The following COMMD10 variants were observed in gnomAD, a reference collection of about 807,000 sequenced individuals.
The protein encoded by COMMD10 is COMM domain-containing protein 10.
In COMMD10, 33 loss-of-function variants were observed where a neutral mutation model predicts 28.9. The ratio of observed to expected loss-of-function variants is 1.14; its 90% CI spans 0.87 to 1.53. The LOEUF is 1.53. COMMD10 is among the 40% of genes most tolerant of loss of function. The pLI is 0.00. For missense variants in COMMD10, 310 were observed against 233.4 expected (o/e 1.33, Z -2.14); for synonymous variants, 110 against 81.7 (o/e 1.35, Z -1.87).
At chr5:116,220,589 A>C (rs1038827868) in intron 5 of COMMD10, among the ~76,000 whole-genome samples, 2 of 152,204 alleles carry the variant, frequency 1.3e-5, no homozygotes, top group Admixed American at 6.5e-5. Context: ...CCAGGGATAC[A>C]TATGCAACCC....
At chr5:116,267,535 A>G (rs1045046942) in intron 5 of COMMD10, among the ~76,000 whole-genome samples, 8 of 152,036 alleles carry the variant, frequency 5.3e-5, no homozygotes, top group African/African-American at 1.9e-4. Context: ...AAGGTAATTT[A>G]CAGATTCAAT....
At chr5:116,161,081 C>G (rs1440693616) in intron 5 of COMMD10, among the ~76,000 whole-genome samples, 2 of 151,906 alleles carry the variant, frequency 1.3e-5, no homozygotes, top group Non-Finnish European at 2.9e-5. Flanking sequence ...ATGAAGCCTG[C>G]CGGTTGGTTG....
rs166203 is a variant in COMMD10 at position 116,233,553 on chromosome 5, C to T, written c.511-57964C>T. Among the ~76,000 whole-genome samples, 47 of 152,192 alleles carry T rather than the reference C, an allele frequency of 3.1e-4. No homozygotes were observed. The East Asian group carries it at 6.4e-3, about 21-fold the overall frequency. The stretch of plus-strand genomic sequence containing the variant: ...ACTAGGTTGTCTAATAAAATATTTA[C>T]ATAGAAGCTATGAAGGGGACTGTAA... On this transcript the variant is annotated intron_variant, in intron 5 of 6. Transcript: ENST00000274458.
At chr5:116,113,201 T>C (rs1751114910) in intron 4 of COMMD10, among the ~76,000 whole-genome samples, 1 of 152,162 alleles carries the variant, frequency 6.6e-6, no homozygotes, top group Non-Finnish European at 1.5e-5. Context: ...TTTGATGGAC[T>C]TTCCTTTATA....
intron 4 of COMMD10, 46 bp from the exon 5 acceptor site, chr5:116,134,022 C>T (rs1751945321): frequency 9.1e-7 from 1 of 1,098,674 alleles, no homozygotes. Context: ...TGACTGTTTT[C>T]TTCCTTCTGT....
chr5:116,218,584 C>G (rs374927769), intron 5 of COMMD10, among the ~76,000 whole-genome samples: 3 of 152,198 alleles, frequency 2.0e-5, no homozygotes, highest in East Asian at 1.9e-4. Context: ...AACCAAGAGT[C>G]CTTTACTTAG....
intron 4 of COMMD10, among the ~76,000 whole-genome samples, chr5:116,098,396 G>A (rs1286826325): frequency 6.6e-6 from 1 of 152,218 alleles, no homozygotes; most frequent in Non-Finnish European, 1.5e-5. Flanking sequence ...CATGTTGGTA[G>A]TACAGTCAGC....
intron 5 of COMMD10, among the ~76,000 whole-genome samples, chr5:116,166,937 A>G (rs1753140371): frequency 6.6e-6 from 1 of 152,102 alleles, no homozygotes; most frequent in Admixed American, 6.5e-5. Flanking sequence ...CAGAATGCCC[A>G]TTCTCCTCCA....
chr5:116,238,770 G>A (rs1229622398), intron 5 of COMMD10, among the ~76,000 whole-genome samples: 1 of 152,106 alleles, frequency 6.6e-6, no homozygotes, highest in Admixed American at 6.6e-5. Context: ...TTCCAGCAAA[G>A]CACAGAACCA....
intron 4 of COMMD10, among the ~76,000 whole-genome samples, chr5:116,118,144 G>C (rs183660582): frequency 2.7e-4 from 41 of 152,250 alleles, no homozygotes; most frequent in African/African-American, 9.6e-4. Flanking sequence ...TCATAGGGCT[G>C]GCTTGGTTCC....
intron 5 of COMMD10, among the ~76,000 whole-genome samples, chr5:116,234,386 GAA>G (rs1246595079): frequency 6.6e-6 from 1 of 151,948 alleles, no homozygotes; most frequent in East Asian, 1.9e-4. Flanking sequence ...GCAATGAAAA[GAA>G]AAAAATTTCA....
chr5:116,168,686 C>A (rs145047590), intron 5 of COMMD10, among the ~76,000 whole-genome samples: 30,394 of 152,092 alleles, frequency 0.2, 4,990 homozygotes, highest in African/African-American at 0.46. Flanking sequence ...TCACTCAAAA[C>A]CACACAAATA....
rs1193540592 is a variant in COMMD10, at chr5:116,127,235, C to G, written c.400-6833C>G. Reference sequence around the variant, plus strand: ...TCAAAACCACAATGAGATACCACCTCACACCAGTTAGAATGGCGATCATTA... The same window carrying G: ...TCAAAACCACAATGAGATACCACCTGACACCAGTTAGAATGGCGATCATTA... On this transcript the variant is annotated intron_variant, in intron 4 of 6. Coordinates refer to ENST00000274458, the MANE Select transcript of COMMD10 (RefSeq NM_016144.4). Among the ~76,000 whole-genome samples the G allele has an allele frequency of 2.0e-5, 3 of 152,186 alleles. No individual in the cohort carries two copies. In the East Asian group the frequency reaches 5.8e-4, roughly 29 times the overall value.
At chr5:116,282,844 C>T (rs967122356) in intron 5 of COMMD10, among the ~76,000 whole-genome samples, 2 of 151,862 alleles carry the variant, frequency 1.3e-5, no homozygotes, top group African/African-American at 4.9e-5. Flanking sequence ...AACAAAGTCA[C>T]CTCCTGTGGT....
intron 4 of COMMD10, among the ~76,000 whole-genome samples, chr5:116,112,397 A>AT (rs1012400915): frequency 4.0e-5 from 6 of 150,990 alleles, no homozygotes; most frequent in Non-Finnish European, 7.4e-5. Context: ...CATATAGTTG[A>AT]TTTTTTTTCT....
At chr5:116,162,257 C>G (rs529986697) in intron 5 of COMMD10, among the ~76,000 whole-genome samples, 30 of 151,750 alleles carry the variant, frequency 2.0e-4, no homozygotes, top group Non-Finnish European at 3.4e-4. Flanking sequence ...GCTACCCACT[C>G]AGGTATTTTG....
intron 5 of COMMD10, among the ~76,000 whole-genome samples, chr5:116,245,120 A>G (rs1475863616): frequency 2.0e-5 from 3 of 152,098 alleles, no homozygotes; most frequent in Admixed American, 6.6e-5. Context: ...GAATATTCAT[A>G]TAAACACAAA....
intron 5 of COMMD10, among the ~76,000 whole-genome samples, chr5:116,137,252 A>G (rs1483573522): frequency 2.0e-5 from 3 of 152,064 alleles, no homozygotes; most frequent in African/African-American, 7.2e-5. Context: ...TCTTTCAAAT[A>G]TTTACAAATA....
At chr5:116,217,175 A>G (rs1453705045) in intron 5 of COMMD10, among the ~76,000 whole-genome samples, 7 of 151,484 alleles carry the variant, frequency 4.6e-5, no homozygotes, top group Non-Finnish European at 8.8e-5. Context: ...CCGCAATCCC[A>G]CTGTGCAAAT....
Sources: allele counts gnomAD v4.1 joint callset (sites outside exome capture counted in the v4.1 genomes callset), GRCh38; gene constraint gnomAD v4.1.1; transcripts MANE v1.5; gene names NCBI Gene and HGNC (gene_info 2026-07-23, HGNC 2026-07-21).